SYNPR: variants seen among roughly 807,000 people sequenced by gnomAD.
SYNPR encodes the protein synaptoporin.
Under a neutral mutation model 32.9 loss-of-function variants are expected in SYNPR, and 23 were observed. The ratio of observed to expected loss-of-function variants is 0.70; its 90% CI spans 0.50 to 0.99. The LOEUF (loss-of-function observed/expected upper bound fraction) is 0.99. SYNPR is among the 50% of genes least tolerant of loss of function. SYNPR has a pLI of 0.00. For missense variants in SYNPR, 318 were observed against 349.3 expected (o/e 0.91, Z 0.71); for synonymous variants, 146 against 135.9 (o/e 1.07, Z -0.52).
chr3:63,310,497 A>C (rs1169734166), intron 2 of SYNPR, among the ~76,000 whole-genome samples: 1 of 151,930 alleles, frequency 6.6e-6, no homozygotes, highest in East Asian at 1.9e-4. Context: ...TTTTTTTCTC[A>C]GTCTTTCAGG....
intron 2 of SYNPR, among the ~76,000 whole-genome samples, chr3:63,475,245 G>A (rs1005869196): frequency 6.6e-6 from 1 of 152,092 alleles, no homozygotes; most frequent in Non-Finnish European, 1.5e-5. Flanking sequence ...TTTTTGTAAG[G>A]AACAGAGCCG....
intron 1 of SYNPR, among the ~76,000 whole-genome samples, chr3:63,241,269 G>A (rs1466116778): frequency 6.6e-6 from 1 of 152,134 alleles, no homozygotes; most frequent in African/African-American, 2.4e-5. Flanking sequence ...CTGACTCTGA[G>A]TAAGGTGAAA....
intron 4 of SYNPR, among the ~76,000 whole-genome samples, chr3:63,608,814 T>C (rs1332762547): frequency 2.0e-5 from 3 of 152,198 alleles, no homozygotes; most frequent in Non-Finnish European, 2.9e-5. Flanking sequence ...CATCTGCAAA[T>C]AGGATGATGT....
At chr3:63,399,436 T>C (rs1433934469) in intron 2 of SYNPR, among the ~76,000 whole-genome samples, 1 of 152,156 alleles carries the variant, frequency 6.6e-6, no homozygotes, top group Non-Finnish European at 1.5e-5. Context: ...CTTTAGTTAT[T>C]TCTATAGGCG....
intron 2 of SYNPR, among the ~76,000 whole-genome samples, chr3:63,395,984 C>T (rs559996088): frequency 6.6e-6 from 1 of 152,250 alleles, no homozygotes; most frequent in South Asian, 2.1e-4. Context: ...GGATTCAAAG[C>T]AATGGTTAGC....
At chr3:63,595,715 TTTTATATATATATATATATA>T (rs1365365928) in intron 4 of SYNPR, among the ~76,000 whole-genome samples, 1,308 of 45,758 alleles carry the variant, frequency 0.029, 75 homozygotes, top group South Asian at 0.052. Context: ...CTGAATCTTA[TTTTATATATATATATATATA>T]TATATATATA....
At chr3:63,286,070 C>G (rs6792508) in intron 2 of SYNPR, among the ~76,000 whole-genome samples, 1 of 151,926 alleles carries the variant, frequency 6.6e-6, no homozygotes, top group Non-Finnish European at 1.5e-5. Context: ...AAATTTGTAT[C>G]CAGACTTGCT....
chr3:63,383,197 T>C lies in SYNPR; in HGVS notation c.85-97635T>C, dbSNP rs144569732. On this transcript the variant is annotated intron_variant, in intron 2 of 5. Transcript: ENST00000478300. ...TTTGTATTCAGTTTTATTTCAGCCA[T>C]AATAAAAGAGCACACCCTTTTCCCA... Among the ~76,000 whole-genome samples the C allele has an allele frequency of 8.1e-3, 1,236 of 152,264 alleles. 19 individuals are homozygous for C. Among genetic ancestry groups the C allele is most frequent in the African/African-American group, 0.027 (1,110 of 41,538 alleles).
At chr3:63,419,306 A>G (rs926192056) in intron 2 of SYNPR, among the ~76,000 whole-genome samples, 14 of 152,200 alleles carry the variant, frequency 9.2e-5, no homozygotes, top group African/African-American at 3.4e-4. Context: ...TATAGCCATC[A>G]AAACTGAACT....
chr3:63,474,045 C>T lies in SYNPR; in HGVS notation c.85-6787C>T, dbSNP rs367924827. ...GATGGGAAGCACAATGACAAGTGGG[C>T]GGTGGGATGGGGAAGGAAGGAAAGC... On this transcript the variant is annotated intron_variant, in intron 2 of 5. Coordinates refer to ENST00000478300, the MANE Select transcript of SYNPR (RefSeq NM_001130003.2). Among the ~76,000 whole-genome samples the T allele has an allele frequency of 4.6e-5, 7 of 151,970 alleles. No individual in the cohort carries two copies. The South Asian group carries it at 8.3e-4, about 18-fold the overall frequency.
At chr3:63,229,501 TC>T (rs1221042748) in intron 1 of SYNPR, among the ~76,000 whole-genome samples, 4 of 152,158 alleles carry the variant, frequency 2.6e-5, no homozygotes, top group Admixed American at 2.6e-4. Flanking sequence ...CTATTCATGA[TC>T]CTTTGGGACA....
chr3:63,225,906 T>C (rs909267668), upstream of SYNPR, among the ~76,000 whole-genome samples: 10 of 151,322 alleles, frequency 6.6e-5, no homozygotes, highest in African/African-American at 2.4e-4. Context: ...ACTATTAATA[T>C]GACAAGGGAC....
chr3:63,455,816 T>G (rs959351690), intron 2 of SYNPR, among the ~76,000 whole-genome samples: 2 of 149,880 alleles, frequency 1.3e-5, no homozygotes, highest in Non-Finnish European at 3.0e-5. Flanking sequence ...AAGTCAAATG[T>G]CAACTGCTTT....
At chr3:63,437,686 A>G (rs922680315) in intron 2 of SYNPR, among the ~76,000 whole-genome samples, 4 of 152,048 alleles carry the variant, frequency 2.6e-5, no homozygotes, top group Non-Finnish European at 5.9e-5. Context: ...AGAAGGAAAG[A>G]AAGAAGAAAG....
intron 4 of SYNPR, among the ~76,000 whole-genome samples, chr3:63,569,024 T>C (rs1299694630): frequency 6.6e-6 from 1 of 152,190 alleles, no homozygotes; most frequent in African/African-American, 2.4e-5. Context: ...TTAGTAACAG[T>C]TTATTTATCT....
chr3:63,222,396 T>A, the SYNPR span, among the ~76,000 whole-genome samples: 2 of 152,224 alleles, frequency 1.3e-5, no homozygotes, highest in Non-Finnish European at 2.9e-5. Context: ...ATTATTTTTA[T>A]CTTTTAAAAC....
chr3:63,267,015 C>A (rs1389462843), intron 2 of SYNPR, among the ~76,000 whole-genome samples: 1 of 152,134 alleles, frequency 6.6e-6, no homozygotes, highest in Non-Finnish European at 1.5e-5. Flanking sequence ...TTATGAAAGT[C>A]ATAATGTGGC....
intron 2 of SYNPR, among the ~76,000 whole-genome samples, chr3:63,479,429 A>G (rs1224918553): frequency 1.6e-5 from 2 of 123,928 alleles, no homozygotes; most frequent in African/African-American, 5.8e-5. Context: ...CTAGTCACTT[A>G]AAACTGCCAC....
chr3:63,567,733 G>T (rs1702816170), intron 4 of SYNPR, among the ~76,000 whole-genome samples: 1 of 152,204 alleles, frequency 6.6e-6, no homozygotes, highest in Non-Finnish European at 1.5e-5. Context: ...GGAACAGGTA[G>T]GAAGAGATAG....
Sources: allele counts gnomAD v4.1 joint callset (sites outside exome capture counted in the v4.1 genomes callset), GRCh38; gene constraint gnomAD v4.1.1; transcripts MANE v1.5; gene names NCBI Gene and HGNC (gene_info 2026-07-23, HGNC 2026-07-21).